The following COL4A5 variants were observed in gnomAD, a reference collection of about 807,000 sequenced individuals.
COL4A5 encodes the protein collagen alpha-5(IV) chain.
In COL4A5, 26 loss-of-function variants were observed where a neutral mutation model predicts 130.2. The ratio of observed to expected loss-of-function variants is 0.20; its 90% CI spans 0.15 to 0.28. COL4A5 has a LOEUF of 0.28. Among genes scored for constraint, COL4A5 ranks in the 10% least tolerant of loss-of-function variants. The pLI is 1.00. For missense variants in COL4A5, 1,131 were observed against 1,344.3 expected (o/e 0.84, Z 2.48); for synonymous variants, 496 against 439.6 (o/e 1.13, Z -1.60).
At position 108,626,110 on chromosome X, in the gene COL4A5, G is replaced by A. The variant is rs3761615; in HGVS notation, c.3107-100G>A. ...CATTATTATCTAACTCAGAGTTTGC[G>A]GAGCTTTTTAAAAATCTTTTTGCTT... On this transcript the variant is annotated intron_variant, in intron 35 of 52. Transcript: ENST00000328300. 24,499 of 815,500 alleles carry A rather than the reference G, an allele frequency of 0.03. 2,303 individuals carry two copies. The African/African-American group carries it at 0.34, about 11-fold the overall frequency. The allele number at this position is 815,500 out of a possible 1,213,427, so 67.2% of individuals were successfully genotyped here. A position where few individuals can be genotyped will look rare whatever the true frequency, so the allele number is the denominator to read the frequency against.
At chrX:108,566,538 G>GT (rs112673587) in intron 4 of COL4A5, among the ~76,000 whole-genome samples, 184 of 103,859 alleles carry the variant, frequency 1.8e-3, no homozygotes, top group Middle Eastern at 5.0e-3. Context: ...GAATGTTAGG[G>GT]TTTTTTTTTT....
intron 1 of COL4A5, among the ~76,000 whole-genome samples, chrX:108,482,974 T>C (rs1262404081): frequency 1.8e-5 from 2 of 111,657 alleles, no homozygotes; most frequent in Non-Finnish European, 3.8e-5. Flanking sequence ...GAGTGTCAAA[T>C]GCATTTATTT....
chrX:108,680,577 C>G (rs779076733), intron 44 of COL4A5, 102 bp from the exon 45 acceptor site: 41 of 677,025 alleles, frequency 6.1e-5, no homozygotes, highest in Non-Finnish European at 8.9e-5. Context: ...AAGTTTGACT[C>G]TAGAAATAGT....
rs1391771677 is a variant in COL4A5 at position 108,439,948 on chromosome X, T to C, written c.-178T>C. ...GAGGGGGGAAGGAAGAGTAGCTCCT[T>C]CTTCTTCTTCTTTTTTTTTTCTTCC... On this transcript the variant is annotated 5_prime_UTR_variant, in exon 1 of 53. Transcript: ENST00000328300. 3 of 433,423 alleles carry C rather than the reference T, an allele frequency of 6.9e-6. No homozygotes were observed. Among genetic ancestry groups the C allele is most frequent in the Non-Finnish European group, 1.2e-5 (3 of 249,969 alleles). 35.7% of individuals were successfully genotyped at this position (433,423 alleles called of 1,213,427 possible).
rs2147873486 is a variant in COL4A5, at chrX:108,626,340, T to G, written c.3237T>G (p.Pro1079=). ...CAAGCATTGGTCTTCCAGGTCTTCC[T>G]GGTCCAAAGGTAATCTTTGGCATAT... is the stretch of plus-strand genomic sequence containing the variant. ...GISSIGLPGL[P]GPKGEPGLPG... The change falls in exon 36 of 53, where the codon CCT becomes CCG. Residue 1079 remains proline, a synonymous_variant. Coordinates refer to ENST00000328300, the MANE Select transcript of COL4A5 (RefSeq NM_033380.3). 8.3e-7 allele frequency: 1 copy of G among 1,211,387 alleles called. No homozygotes were observed. The highest frequency in any genetic ancestry group is 1.1e-6 in the Non-Finnish European group (1 of 895,290).
At chrX:108,636,785 A>G (rs1023270716) in intron 36 of COL4A5, among the ~76,000 whole-genome samples, 3 of 111,245 alleles carry the variant, frequency 2.7e-5, no homozygotes, top group African/African-American at 9.8e-5. Flanking sequence ...GATTAAAACC[A>G]CACAGCATAT....
intron 2 of COL4A5, among the ~76,000 whole-genome samples, chrX:108,543,808 C>T (rs372834939): frequency 1.1e-4 from 12 of 111,631 alleles, no homozygotes; most frequent in Admixed American, 1.9e-4. Flanking sequence ...TAATTCTCCT[C>T]GAAGAGGTCC....
At chrX:108,452,300 C>T (rs1286873389) in intron 1 of COL4A5, among the ~76,000 whole-genome samples, 2 of 111,612 alleles carry the variant, frequency 1.8e-5, no homozygotes, top group East Asian at 2.8e-4. Context: ...ATTGACTTGG[C>T]GATGCTGGCT....
chrX:108,589,723 G>A (rs2066399719), intron 19 of COL4A5, among the ~76,000 whole-genome samples: 1 of 111,280 alleles, frequency 9.0e-6, no homozygotes, highest in South Asian at 3.7e-4. Context: ...CATTGACCTA[G>A]GTAAAGATTT....
Position 108,595,512 on chromosome X carries a change from A to G in COL4A5, c.1427A>G (p.Asp476Gly), listed in dbSNP as rs1274398880. 23 of 1,211,396 alleles carry G rather than the reference A, an allele frequency of 1.9e-5. No individual in the cohort carries two copies. The highest frequency in any genetic ancestry group is 2.5e-5 in the Non-Finnish European group (22 of 894,962). ...TTTGTTATTATGATTTCACTAGGTG[A>G]CAAAGGTGACACTTGCTTCAACTGC... ...GLQGEQGVKG[D>G]KGDTCFNCIG... is the part of the protein sequence containing the mutation. The change falls in exon 22 of 53, where the codon GAC becomes GGC. Residue 476 changes from aspartate (D) to glycine (G), a missense_variant. Coordinates refer to ENST00000328300, the MANE Select transcript of COL4A5 (RefSeq NM_033380.3).
At chrX:108,627,683 C>T (rs1453198432) in intron 36 of COL4A5, 3 of 452,988 alleles carry the variant, frequency 6.6e-6, no homozygotes, top group Non-Finnish European at 8.2e-6. Context: ...AAAATACAAC[C>T]AGTATGAAAA....
intron 1 of COL4A5, among the ~76,000 whole-genome samples, chrX:108,475,733 C>CT (rs1168150603): frequency 2.7e-5 from 3 of 111,041 alleles, no homozygotes; most frequent in Non-Finnish European, 5.7e-5. Context: ...TCATGTTTTA[C>CT]TAACTCTGGC....
intron 19 of COL4A5, among the ~76,000 whole-genome samples, chrX:108,589,356 TA>T (rs1215682695): frequency 1.8e-5 from 2 of 110,556 alleles, no homozygotes; most frequent in Non-Finnish European, 3.8e-5. Flanking sequence ...ATATATAGTA[TA>T]AGTTAAGATG....
At position 108,468,484 on chromosome X, in the gene COL4A5, G is replaced by A. The variant is rs765075728; in HGVS notation, c.81+28278G>A. 8.5e-5 allele frequency among the ~76,000 whole-genome samples: 9 copies of A among 106,323 alleles called. No homozygotes were observed. The South Asian group carries it at 3.1e-3, about 37-fold the overall frequency. 92.3% of individuals were successfully genotyped at this position (106,323 alleles called of 115,157 possible). ...TTCACCTTTGAGCATTCAGTTAGAT[G>A]TGGGTTTTTCGTAAGTGTTTTTTTT... On this transcript the variant is annotated intron_variant, in intron 1 of 52. Coordinates refer to ENST00000328300, the MANE Select transcript of COL4A5 (RefSeq NM_033380.3).
At chrX:108,638,110 A>C (rs2067389117) in intron 36 of COL4A5, among the ~76,000 whole-genome samples, 1 of 111,626 alleles carries the variant, frequency 9.0e-6, no homozygotes, top group African/African-American at 3.3e-5. Context: ...AGACAAAGAC[A>C]CTACAATAAA....
intron 36 of COL4A5, chrX:108,626,820 A>G: frequency 1.3e-6 from 1 of 781,957 alleles, no homozygotes; most frequent in Non-Finnish European, 1.5e-6. Flanking sequence ...TCAATGTGAA[A>G]ACTTTGGTGG....
chrX:108,681,202 G>T (rs1303388287), intron 46 of COL4A5, among the ~76,000 whole-genome samples: 1 of 111,107 alleles, frequency 9.0e-6, no homozygotes, highest in African/African-American at 3.3e-5. Flanking sequence ...CTTGACATTA[G>T]CTTCTATACT....
At chrX:108,563,282 G>A (rs1306591548) in intron 3 of COL4A5, among the ~76,000 whole-genome samples, 1 of 111,445 alleles carries the variant, frequency 9.0e-6, no homozygotes, top group African/African-American at 3.3e-5. Context: ...CAGCAATGCG[G>A]TTGTGACTAG....
chrX:108,458,958 T>TG (rs1233972412), intron 1 of COL4A5, among the ~76,000 whole-genome samples: 1 of 98,191 alleles, frequency 1.0e-5, no homozygotes, highest in Admixed American at 1.1e-4. Context: ...CCAGCCTGGG[T>TG]GACAGCGAGA....
Sources: allele counts gnomAD v4.1 joint callset (sites outside exome capture counted in the v4.1 genomes callset), GRCh38; gene constraint gnomAD v4.1.1; transcripts MANE v1.5; gene names NCBI Gene and HGNC (gene_info 2026-07-23, HGNC 2026-07-21).